The following ANKRD26 variants were observed in gnomAD, a reference collection of about 807,000 sequenced individuals.
ANKRD26 encodes ankyrin repeat domain 26.
A neutral mutation model predicts 208.7 loss-of-function variants in ANKRD26; 141 were observed. That is an observed-to-expected ratio of 0.68 (90% CI 0.59 to 0.78). ANKRD26 has a LOEUF of 0.78. Ranked by LOEUF, ANKRD26 falls within the 30% of genes least tolerant of loss-of-function variation. ANKRD26 has a pLI of 0.00. For missense variants in ANKRD26, 1,889 were observed against 1,938.7 expected (o/e 0.97, Z 0.48); for synonymous variants, 636 against 660.4 (o/e 0.96, Z 0.57).
At chr10:26,992,422 G>A (rs924233839) in intron 5 of ANKRD26, among the ~76,000 whole-genome samples, 2 of 143,932 alleles carry the variant, frequency 1.4e-5, no homozygotes, top group Non-Finnish European at 3.0e-5. Context: ...CATGTTTCAT[G>A]GAGATAAAAT....
chr10:26,972,575 TG>T, downstream of ANKRD26, among the ~76,000 whole-genome samples: 1 of 151,156 alleles, frequency 6.6e-6, no homozygotes, highest in African/African-American at 2.4e-5. Context: ...TTTTTTAACT[TG>T]ACAAAGTGAT....
downstream of ANKRD26, among the ~76,000 whole-genome samples, chr10:26,988,886 A>AG (rs1278749737): frequency 1.3e-5 from 2 of 151,434 alleles, no homozygotes; most frequent in Non-Finnish European, 3.0e-5. Flanking sequence ...TCTCAAAAAA[A>AG]AAAAAAAAAT....
the ANKRD26 span, among the ~76,000 whole-genome samples, chr10:26,949,510 A>AATTT: frequency 2.0e-5 from 3 of 151,804 alleles, no homozygotes; most frequent in African/African-American, 7.3e-5. Flanking sequence ...TTTATTTATT[A>AATTT]ATTTATTTAT....
chr10:27,023,877 A>T (rs1373347693), intron 28 of ANKRD26, among the ~76,000 whole-genome samples: 2 of 152,052 alleles, frequency 1.3e-5, no homozygotes, highest in African/African-American at 4.8e-5. Flanking sequence ...TATGAGGCAT[A>T]TATGTTTTAA....
At chr10:27,043,740 C>G (rs889113584) in intron 19 of ANKRD26, among the ~76,000 whole-genome samples, 173 bp from the exon 20 acceptor site, 4 of 152,098 alleles carry the variant, frequency 2.6e-5, no homozygotes, top group Non-Finnish European at 5.9e-5. Flanking sequence ...ATCACTTTTT[C>G]AAAGTAAATG....
intron 29 of ANKRD26, 70 bp downstream of exon 29, chr10:27,022,487 CA>C: frequency 8.2e-7 from 1 of 1,226,244 alleles, no homozygotes; most frequent in Admixed American, 2.2e-5. Flanking sequence ...TTTCACTGTT[CA>C]AAGCATTGAG....
chr10:27,002,382 G>T (rs924931762), downstream of ANKRD26, among the ~76,000 whole-genome samples: 2 of 152,202 alleles, frequency 1.3e-5, no homozygotes. Flanking sequence ...GGTGGAGTTT[G>T]CACGTTCTCC....
rs556649842 is a variant in ANKRD26, at chr10:27,092,336, C to A, written c.638+70G>T. ...GCAGGTTTAAAAAACCTGTAACATGCAAAACACAGATCTAAAAAAACTTTT... is the reference window on the plus strand; with the variant it reads ...GCAGGTTTAAAAAACCTGTAACATGAAAAACACAGATCTAAAAAAACTTTT... On this transcript the variant is annotated intron_variant, in intron 4 of 33. Transcript: ENST00000376087. 64 of 1,198,892 alleles carry A rather than the reference C, an allele frequency of 5.3e-5. No individual in the cohort carries two copies. In the East Asian group the frequency reaches 1.6e-3, roughly 30 times the overall value. 74.3% of individuals were successfully genotyped at this position (1,198,892 alleles called of 1,614,324 possible).
intron 5 of ANKRD26, among the ~76,000 whole-genome samples, chr10:27,083,382 A>G (rs941484397): frequency 2.6e-5 from 4 of 152,160 alleles, no homozygotes; most frequent in Admixed American, 2.6e-4. Context: ...AAATTTAAGC[A>G]AAACTAATAA....
intron 12 of ANKRD26, among the ~76,000 whole-genome samples, chr10:27,062,770 CTT>C (rs879365257): frequency 2.3e-4 from 33 of 142,376 alleles, no homozygotes; most frequent in Admixed American, 2.1e-4. Context: ...TTCTTTCTTT[CTT>C]TTTTTTTTTT....
chr10:27,022,364 G>A (rs910889320), intron 29 of ANKRD26, among the ~76,000 whole-genome samples, 194 bp downstream of exon 29: 3 of 152,036 alleles, frequency 2.0e-5, no homozygotes, highest in African/African-American at 4.8e-5. Context: ...ACAAACACCC[G>A]TGACACAAGT....
At position 27,013,036 on chromosome 10, in the gene ANKRD26, G is replaced by A; in HGVS notation, c.4799C>T (p.Thr1600Ile). Residue 1600 changes from threonine (T) to isoleucine (I), a missense_variant, in exon 32 of 34, where the codon ACT (threonine) becomes ATT (isoleucine). By Grantham distance (89) the Thr-to-Ile change is moderately conservative. Transcript: ENST00000376087. The stretch of plus-strand genomic sequence containing the variant: ...CTCCATGACTGGCCTGGTAGTGAGA[G>A]TGGTGAACAAAGATCTGCTCTGCTG... ...EKQQSRSLFT[T>I]LTTRPVMEPP... is the part of the protein sequence containing the mutation. The A allele has an allele frequency of 6.2e-7, 1 of 1,614,056 alleles. No individual in the cohort carries two copies.
intron 25 of ANKRD26, among the ~76,000 whole-genome samples, chr10:27,032,824 A>C (rs915160492): frequency 6.6e-5 from 10 of 151,628 alleles, no homozygotes; most frequent in South Asian, 2.1e-4. Flanking sequence ...CAAAAAAAAA[A>C]CAAATAAATA....
chr10:26,990,869 T>G (rs2052474040), downstream of ANKRD26, among the ~76,000 whole-genome samples: 1 of 152,204 alleles, frequency 6.6e-6, no homozygotes, highest in African/African-American at 2.4e-5. Context: ...TTCTGAGCAC[T>G]TTAATTGTAA....
the ANKRD26 span, among the ~76,000 whole-genome samples, chr10:26,951,085 G>A: frequency 2.7e-5 from 2 of 73,440 alleles, no homozygotes; most frequent in Non-Finnish European, 5.2e-5. Flanking sequence ...ATTCATTTTT[G>A]TAAAATGTCA....
At chr10:26,997,828 C>T (rs2052628301) in intron 4 of ANKRD26, among the ~76,000 whole-genome samples, 1 of 152,188 alleles carries the variant, frequency 6.6e-6, no homozygotes, top group Admixed American at 6.5e-5. Flanking sequence ...TTTCAACCCC[C>T]ACATCCTCAC....
In ANKRD26 at chr10:27,100,226, G is replaced by C; in HGVS notation, c.101C>G (p.Ala34Gly). Reference protein sequence around the residue: ...AGGGGEPGEGAYSQPGYHVRD... With the variant: ...AGGGGEPGEGGYSQPGYHVRD... ...GACGTGGTAGCCGGGCTGCGAGTAGGCGCCCTCCCCCGGCTCGCCCCCGCC... is the reference window on the plus strand; with the variant it reads ...GACGTGGTAGCCGGGCTGCGAGTAGCCGCCCTCCCCCGGCTCGCCCCCGCC... The change falls in exon 1 of 34, where the codon GCC becomes GGC. Residue 34 changes from alanine to glycine, a missense_variant. Transcript: ENST00000376087. 6.2e-7 allele frequency: 1 copy of C among 1,612,852 alleles called. No homozygotes were observed. Among genetic ancestry groups the C allele is most frequent in the Non-Finnish European group, 8.5e-7 (1 of 1,179,842 alleles).
intron 19 of ANKRD26, among the ~76,000 whole-genome samples, chr10:27,043,818 G>A (rs969202711): frequency 2.6e-5 from 4 of 151,148 alleles, no homozygotes; most frequent in African/African-American, 7.3e-5. Context: ...TTGACATCGG[G>A]TCTCGCTCTA....
downstream of ANKRD26, among the ~76,000 whole-genome samples, chr10:26,971,397 A>C (rs2052140298): frequency 6.7e-6 from 1 of 149,970 alleles, no homozygotes; most frequent in Admixed American, 6.6e-5. Flanking sequence ...AAAGAGAGCC[A>C]GGCGTGGTGG....
Sources: gnomAD v4.1 joint callset for allele counts (sites outside exome capture counted in the v4.1 genomes callset) on GRCh38, gnomAD v4.1.1 for gene constraint, MANE v1.5 for transcripts, NCBI Gene and HGNC (gene_info 2026-07-23, HGNC 2026-07-21) for gene names.